Variants in ARHGAP31 observed in about 807,000 individuals in gnomAD.
ARHGAP31 encodes Rho GTPase activating protein 31.
In ARHGAP31, 34 loss-of-function variants were observed where a neutral mutation model predicts 113.9. The observed-to-expected ratio is 0.30, with a 90% CI of 0.23 to 0.40. The LOEUF (loss-of-function observed/expected upper bound fraction) is 0.40, where lower values mean the gene tolerates loss of function less well. Ranked by LOEUF, ARHGAP31 falls within the 10% of genes least tolerant of loss-of-function variation. The pLI, the probability that ARHGAP31 is intolerant of heterozygous loss-of-function variation, is 1.00. For synonymous variants in ARHGAP31, 650 were observed against 684.8 expected (o/e 0.95, Z 0.79); for missense variants, 1,548 against 1,767.1 (o/e 0.88, Z 2.22).
At chr3:119,405,200 CA>C (rs1214877670) in intron 10 of ARHGAP31, among the ~76,000 whole-genome samples, 3 of 152,044 alleles carry the variant, frequency 2.0e-5, no homozygotes, top group Non-Finnish European at 4.4e-5. Context: ...TTTTTTTAAT[CA>C]GGAGCAAGCC....
intron 6 of ARHGAP31, among the ~76,000 whole-genome samples, chr3:119,385,819 T>G (rs2080444472): frequency 6.6e-6 from 1 of 152,258 alleles, no homozygotes; most frequent in African/African-American, 2.4e-5. Flanking sequence ...TAGCCCATGC[T>G]CTTTCCTTAA....
chr3:119,322,965 G>A (rs1346958276), intron 1 of ARHGAP31, among the ~76,000 whole-genome samples: 1 of 152,190 alleles, frequency 6.6e-6, no homozygotes, highest in Non-Finnish European at 1.5e-5. Context: ...CCCCGCAGTA[G>A]GGAACGGACT....
chr3:119,312,461 C>CT (rs1318027448), intron 1 of ARHGAP31, among the ~76,000 whole-genome samples: 32 of 152,314 alleles, frequency 2.1e-4, no homozygotes, highest in African/African-American at 6.0e-4. Context: ...CATCCCATCT[C>CT]TTTTTCTTCC....
rs745384489 is a variant in ARHGAP31 at position 119,402,018 on chromosome 3, C to T, written c.1266C>T (p.Gly422=). 6.2e-7 allele frequency: 1 copy of T among 1,613,982 alleles called. No individual in the cohort carries two copies. Among genetic ancestry groups the T allele is most frequent in the Non-Finnish European group, 8.5e-7 (1 of 1,179,990 alleles). Residue 422 remains glycine (G), a synonymous_variant, in exon 10 of 12, where the codon GGC becomes GGT. Coordinates refer to ENST00000264245, the MANE Select transcript of ARHGAP31 (RefSeq NM_020754.4). The part of the protein sequence containing the change: ...DVSSDRSHLQ[G]AQARPPPEQL... ...GCAGTGATCGCAGCCATCTCCAGGGCGCTCAGGCCCGGCCCCCACCGGAAC... is the reference window on the plus strand; with the variant it reads ...GCAGTGATCGCAGCCATCTCCAGGGTGCTCAGGCCCGGCCCCCACCGGAAC...
intron 1 of ARHGAP31, among the ~76,000 whole-genome samples, chr3:119,326,004 A>G (rs1400057342): frequency 2.6e-5 from 4 of 152,150 alleles, no homozygotes; most frequent in African/African-American, 9.7e-5. Flanking sequence ...CACCCTGGCC[A>G]ACATGGTGAA....
intron 1 of ARHGAP31, among the ~76,000 whole-genome samples, chr3:119,301,724 G>T (rs1299124525): frequency 6.6e-6 from 1 of 152,148 alleles, no homozygotes; most frequent in Non-Finnish European, 1.5e-5. Flanking sequence ...TGCAGCAGTG[G>T]GTGGAGAAAG....
chr3:119,360,489 C>T (rs1428687890), intron 1 of ARHGAP31, among the ~76,000 whole-genome samples: 1 of 152,204 alleles, frequency 6.6e-6, no homozygotes, highest in Non-Finnish European at 1.5e-5. Context: ...CTGATCAGGT[C>T]CCAGGCACAC....
chr3:119,343,858 C>T (rs983655121), intron 1 of ARHGAP31, among the ~76,000 whole-genome samples: 1 of 152,212 alleles, frequency 6.6e-6, no homozygotes, highest in East Asian at 1.9e-4. Context: ...AGTTTGGCTC[C>T]CTGACACACT....
rs1559961514 is a variant in ARHGAP31, at chr3:119,307,939, G to GAAAAAAAAAAAAAAAAAAAAAAAA, written c.100+12935_100+12936insAAAAAAAAAAAAAAAAAAAAAAAA. ...GAGTGAATCCAAGTATGAATTAACA[G>GAAAAAAAAAAAAAAAAAAAAAAAA]CAAAAAAAAAAAAAAAAAAAAGCTC... is the stretch of plus-strand genomic sequence containing the variant. On this transcript the variant is annotated intron_variant, in intron 1 of 11. Transcript: ENST00000264245. 1.8e-3 allele frequency among the ~76,000 whole-genome samples: 3 copies of GAAAAAAAAAAAAAAAAAAAAAAAA among 1,648 alleles called. 1 individual carries two copies. The highest frequency in any genetic ancestry group is 5.2e-3 in the African/African-American group (3 of 572). The allele number at this position is 1,648 out of a possible 152,430, so 1.1% of individuals were successfully genotyped here.
intron 3 of ARHGAP31, among the ~76,000 whole-genome samples, chr3:119,377,977 G>C (rs1240843306): frequency 1.3e-5 from 2 of 152,120 alleles, no homozygotes; most frequent in Non-Finnish European, 2.9e-5. Flanking sequence ...AGGGACTGTG[G>C]TGGCTTTGAG....
rs536489400 is a variant in ARHGAP31 at position 119,364,420 on chromosome 3, T to C, written c.101-896T>C. On this transcript the variant is annotated intron_variant, in intron 1 of 11. Transcript: ENST00000264245. The stretch of plus-strand genomic sequence containing the variant: ...GATTTTTTCTTCTAAAAAAATGGAA[T>C]TGTAAGCATCTTCCAATGTATTAAT... 7.2e-4 allele frequency among the ~76,000 whole-genome samples: 110 copies of C among 152,350 alleles called. 1 individual carries two copies. Among genetic ancestry groups the C allele is most frequent in the South Asian group, 1.5e-3 (7 of 4,826 alleles).
At chr3:119,354,360 T>C (rs1297640027) in intron 1 of ARHGAP31, among the ~76,000 whole-genome samples, 2 of 152,234 alleles carry the variant, frequency 1.3e-5, no homozygotes, top group Non-Finnish European at 2.9e-5. Context: ...GCTTTTACTA[T>C]ATCCCCTTCA....
intron 2 of ARHGAP31, among the ~76,000 whole-genome samples, chr3:119,367,865 G>GA (rs1421774014): frequency 0.023 from 2,547 of 110,918 alleles, 90 homozygotes; most frequent in African/African-American, 0.071. Context: ...TCAAAAAAAA[G>GA]AAAAAAAAAA....
chr3:119,319,276 G>T (rs1428460705), intron 1 of ARHGAP31, among the ~76,000 whole-genome samples: 1 of 150,652 alleles, frequency 6.6e-6, no homozygotes, highest in East Asian at 1.9e-4. Context: ...TCTTTTTAGG[G>T]ATGGGTCAGA....
chr3:119,402,516 T>G, intron 10 of ARHGAP31, 119 bp downstream of exon 10: 1 of 1,090,586 alleles, frequency 9.2e-7, no homozygotes, highest in Non-Finnish European at 1.4e-6. Context: ...AGAGCCCGAT[T>G]GGGTACAAAT....
At chr3:119,383,727 A>G (rs1439066629) in intron 6 of ARHGAP31, among the ~76,000 whole-genome samples, 2 of 152,148 alleles carry the variant, frequency 1.3e-5, no homozygotes, top group African/African-American at 2.4e-5. Flanking sequence ...GAATTTCTTG[A>G]GTGCTTTGTT....
intron 1 of ARHGAP31, among the ~76,000 whole-genome samples, chr3:119,300,485 A>G (rs1377162413): frequency 1.3e-5 from 2 of 152,130 alleles, no homozygotes; most frequent in Non-Finnish European, 2.9e-5. Flanking sequence ...ATCAGTATAC[A>G]CTCAGGAACT....
At chr3:119,354,924 C>T (rs1426026961) in intron 1 of ARHGAP31, among the ~76,000 whole-genome samples, 1 of 151,550 alleles carries the variant, frequency 6.6e-6, no homozygotes, top group Non-Finnish European at 1.5e-5. Context: ...TAGATATTAA[C>T]CATGAGCTGT....
intron 1 of ARHGAP31, among the ~76,000 whole-genome samples, chr3:119,325,121 C>T (rs2079829985): frequency 6.6e-6 from 1 of 152,192 alleles, no homozygotes; most frequent in African/African-American, 2.4e-5. Flanking sequence ...CTTCTAGTAA[C>T]TAGTGATGCA....
Sources: gnomAD v4.1 joint callset for allele counts (sites outside exome capture counted in the v4.1 genomes callset) on GRCh38, gnomAD v4.1.1 for gene constraint, MANE v1.5 for transcripts, NCBI Gene and HGNC (gene_info 2026-07-23, HGNC 2026-07-21) for gene names.